The following HOMER1 variants were observed in gnomAD, a reference collection of about 807,000 sequenced individuals.
HOMER1 encodes homer scaffold protein 1.
Under a neutral mutation model 48.9 loss-of-function variants are expected in HOMER1, and 3 were observed. The ratio of observed to expected loss-of-function variants is 0.06; its 90% CI spans 0.03 to 0.16. HOMER1 has a LOEUF of 0.16. Among genes scored for constraint, HOMER1 ranks in the 10% least tolerant of loss-of-function variants. The pLI, the probability that HOMER1 is intolerant of heterozygous loss-of-function variation, is 1.00. For synonymous variants in HOMER1, 134 were observed against 146.4 expected, an observed-to-expected ratio of 0.92 and a Z score of 0.61; for missense variants, 247 against 411.4, an observed-to-expected ratio of 0.60 and a Z score of 3.46.
chr5:79,503,002 G>T (rs572080769), intron 1 of HOMER1, among the ~76,000 whole-genome samples: 1 of 151,940 alleles, frequency 6.6e-6, no homozygotes, highest in Non-Finnish European at 1.5e-5. Flanking sequence ...GTGTTAGCCA[G>T]GACGGTCTTG....
chr5:79,501,907 GTAAC>G (rs1261054112), intron 1 of HOMER1, among the ~76,000 whole-genome samples: 5 of 151,910 alleles, frequency 3.3e-5, no homozygotes, highest in African/African-American at 1.2e-4. Flanking sequence ...TAGCACTAGA[GTAAC>G]TACTTCTTTA....
intron 4 of HOMER1, among the ~76,000 whole-genome samples, chr5:79,443,394 T>C (rs1179161421): frequency 2.0e-5 from 3 of 152,172 alleles, no homozygotes; most frequent in East Asian, 3.9e-4. Flanking sequence ...TTGGGTTCCA[T>C]CTTAGACCTA....
intron 5 of HOMER1, 32 bp from the exon 6 acceptor site, chr5:79,402,087 TTACAC>T: frequency 6.4e-7 from 1 of 1,573,862 alleles, no homozygotes; most frequent in Non-Finnish European, 8.7e-7. Context: ...ATTCTATCCA[TTACAC>T]CAACTACTGT....
chr5:79,494,894 T>C (rs1314373111), intron 1 of HOMER1, among the ~76,000 whole-genome samples: 1 of 152,196 alleles, frequency 6.6e-6, no homozygotes, highest in African/African-American at 2.4e-5. Flanking sequence ...ACTTCCTCCA[T>C]ATTGCAGCCT....
At chr5:79,406,004 CAACA>C (rs1298865412) in intron 5 of HOMER1, among the ~76,000 whole-genome samples, 18 of 152,156 alleles carry the variant, frequency 1.2e-4, no homozygotes. Flanking sequence ...GGAGAATCTA[CAACA>C]AACCTGTTTA....
intron 5 of HOMER1, among the ~76,000 whole-genome samples, chr5:79,423,936 C>T (rs1323687261): frequency 2.0e-5 from 3 of 151,972 alleles, no homozygotes; most frequent in East Asian, 1.9e-4. Context: ...TTTTAGAGAC[C>T]AACATGACAA....
At chr5:79,414,662 A>G (rs1050574260) in intron 5 of HOMER1, among the ~76,000 whole-genome samples, 1 of 152,132 alleles carries the variant, frequency 6.6e-6, no homozygotes, top group Admixed American at 6.5e-5. Context: ...TACACACATG[A>G]GCCACTGTGC....
intron 1 of HOMER1, among the ~76,000 whole-genome samples, chr5:79,511,359 T>C (rs925660991): frequency 6.6e-6 from 1 of 152,198 alleles, no homozygotes; most frequent in Admixed American, 6.5e-5. Flanking sequence ...AAGGTCTCCA[T>C]CAGAAAGATC....
At chr5:79,502,980 C>T (rs1053312752) in intron 1 of HOMER1, among the ~76,000 whole-genome samples, 2 of 143,498 alleles carry the variant, frequency 1.4e-5, no homozygotes, top group Non-Finnish European at 3.1e-5. Flanking sequence ...TAAGTAGAGA[C>T]AGGGTTTCAC....
At chr5:79,438,953 C>T in intron 5 of HOMER1, 57 bp downstream of exon 5, 1 of 1,509,188 alleles carries the variant, frequency 6.6e-7, no homozygotes, top group African/African-American at 1.4e-5. Flanking sequence ...TTCCTGAAAC[C>T]AAACATTTCC....
chr5:79,413,555 C>T (rs774589352), intron 5 of HOMER1, among the ~76,000 whole-genome samples: 47 of 151,816 alleles, frequency 3.1e-4, no homozygotes, highest in Non-Finnish European at 5.9e-4. Flanking sequence ...AACACTATGC[C>T]CAACAGGTAA....
chr5:79,429,318 T>G (rs1419863568), intron 5 of HOMER1, among the ~76,000 whole-genome samples: 1 of 152,232 alleles, frequency 6.6e-6, no homozygotes, highest in South Asian at 2.1e-4. Flanking sequence ...GAGGTTGCAG[T>G]GAGCCAAGAC....
intron 1 of HOMER1, among the ~76,000 whole-genome samples, chr5:79,481,876 T>C (rs1350060818): frequency 1.3e-5 from 2 of 152,228 alleles, no homozygotes; most frequent in Non-Finnish European, 2.9e-5. Context: ...AAGATCATAC[T>C]GTTTCCAATC....
intron 1 of HOMER1, among the ~76,000 whole-genome samples, chr5:79,475,268 A>ACTGTCTGGCTCTAGAGCCCGTATC (rs150004955): frequency 0.23 from 35,453 of 150,894 alleles, 4,456 homozygotes; most frequent in Admixed American, 0.34. Context: ...GAGCCGGCAC[A>ACTGTCTGGCTCTAGAGCCCGTATC]CTGTCTGGCT....
chr5:79,494,779 G>T (rs1266469562), intron 1 of HOMER1, among the ~76,000 whole-genome samples: 1 of 152,228 alleles, frequency 6.6e-6, no homozygotes, highest in African/African-American at 2.4e-5. Flanking sequence ...TGAGGCGGAA[G>T]AATCGATTGA....
At chr5:79,385,266 T>C (rs1478179208) in intron 8 of HOMER1, among the ~76,000 whole-genome samples, 1 of 152,016 alleles carries the variant, frequency 6.6e-6, no homozygotes, top group Admixed American at 6.6e-5. Flanking sequence ...AATGGGACTA[T>C]ATTAAACTAA....
At chr5:79,444,657 G>A (rs1029668791) in intron 4 of HOMER1, among the ~76,000 whole-genome samples, 6 of 152,122 alleles carry the variant, frequency 3.9e-5, no homozygotes, top group Non-Finnish European at 5.9e-5. Context: ...TGGAAGTTAC[G>A]ATTAGAGAAA....
chr5:79,387,339 G>A (rs1212535731), intron 8 of HOMER1, among the ~76,000 whole-genome samples: 2 of 151,948 alleles, frequency 1.3e-5, no homozygotes, highest in African/African-American at 2.4e-5. Flanking sequence ...ATGTTGCCCA[G>A]GCTAGTTGCA....
At chr5:79,410,672 C>T (rs1749793093) in intron 5 of HOMER1, among the ~76,000 whole-genome samples, 1 of 151,570 alleles carries the variant, frequency 6.6e-6, no homozygotes, top group Non-Finnish European at 1.5e-5. Flanking sequence ...ACACCCATAC[C>T]TCTCAATAGT....
Sources: gnomAD v4.1 joint callset for allele counts (sites outside exome capture counted in the v4.1 genomes callset) on GRCh38, gnomAD v4.1.1 for gene constraint, MANE v1.5 for transcripts, NCBI Gene and HGNC (gene_info 2026-07-23, HGNC 2026-07-21) for gene names.